The following GABRB3 variants were observed in gnomAD, a reference collection of about 807,000 sequenced individuals.
GABRB3 encodes gamma-aminobutyric acid receptor subunit beta-3.
Under a neutral mutation model 52.1 loss-of-function variants are expected in GABRB3, and 14 were observed. That is an observed-to-expected ratio of 0.27 (90% confidence interval 0.18 to 0.42). The LOEUF (loss-of-function observed/expected upper bound fraction) is 0.42. Ranked by LOEUF, GABRB3 falls within the 10% of genes least tolerant of loss-of-function variation. The pLI is 1.00. For synonymous variants in GABRB3, 260 were observed against 232.3 expected, an observed-to-expected ratio of 1.12 and a Z score of -1.08; for missense variants, 307 against 609.1, an observed-to-expected ratio of 0.50 and a Z score of 5.22.
At position 26,631,072 on chromosome 15, in the gene GABRB3, G is replaced by A. The variant is rs556784922; in HGVS notation, c.241-9538C>T. ...ACAGTGCCGCTGGGAGGCAAGGAAA[G>A]TATTGCTGGACCTAGAAGCTGTAGA... On this transcript the variant is annotated intron_variant, in intron 3 of 8. Transcript: ENST00000311550. Among the ~76,000 whole-genome samples, 69 of 152,360 alleles carry A rather than the reference G, an allele frequency of 4.5e-4. 2 individuals carry two copies. In the South Asian group the frequency reaches 0.013, roughly 29 times the overall value.
rs1242101113 is a variant in GABRB3 at position 26,615,187 on chromosome 15, G to T, written c.461+6127C>A. On this transcript the variant is annotated intron_variant, in intron 4 of 8. Transcript: ENST00000311550. ...ACAAATAGAAGAAAACTTCAGTGCA[G>T]CATCAAAGAAAACAGAAAAGCTGTG... The T allele has an allele frequency of 9.1e-6, 6 of 655,756 alleles. No individual in the cohort carries two copies. The African/African-American group carries it at 9.9e-5, about 11-fold the overall frequency. 40.6% of individuals were successfully genotyped at this position (655,756 alleles called of 1,614,324 possible). A position where few individuals can be genotyped will look rare whatever the true frequency, so the allele number is the denominator to read the frequency against.
At chr15:26,599,133 A>G (rs778715263) in intron 4 of GABRB3, among the ~76,000 whole-genome samples, 4 of 152,232 alleles carry the variant, frequency 2.6e-5, no homozygotes, top group African/African-American at 4.8e-5. Context: ...TCCCACTTCT[A>G]TGCACTTTAG....
At chr15:26,662,367 G>T (rs531758439) in intron 3 of GABRB3, among the ~76,000 whole-genome samples, 6 of 152,230 alleles carry the variant, frequency 3.9e-5, no homozygotes, top group Non-Finnish European at 8.8e-5. Flanking sequence ...ATCCAAGGGG[G>T]TAAGCTCAGC....
intron 3 of GABRB3, among the ~76,000 whole-genome samples, chr15:26,754,605 C>T (rs904608614): frequency 6.6e-6 from 1 of 152,166 alleles, no homozygotes; most frequent in Non-Finnish European, 1.5e-5. Flanking sequence ...TAAATGATGT[C>T]TGACTTTTTT....
At chr15:26,675,666 T>C (rs1888045238) in intron 3 of GABRB3, among the ~76,000 whole-genome samples, 1 of 152,108 alleles carries the variant, frequency 6.6e-6, no homozygotes, top group African/African-American at 2.4e-5. Context: ...TGGGAATTTA[T>C]GGCAAAAGAG....
intron 6 of GABRB3, among the ~76,000 whole-genome samples, chr15:26,572,361 T>C (rs1254185328): frequency 1.3e-5 from 2 of 152,174 alleles, no homozygotes; most frequent in Non-Finnish European, 2.9e-5. Flanking sequence ...TATGAGACAT[T>C]CATGGTTGAA....
At chr15:26,554,198 T>G (rs1245662625) in intron 8 of GABRB3, among the ~76,000 whole-genome samples, 1 of 86,136 alleles carries the variant, frequency 1.2e-5, no homozygotes, top group African/African-American at 4.0e-5. Flanking sequence ...ATACTATATA[T>G]ATATATATAT....
At chr15:26,571,230 G>C (rs573177643) in intron 6 of GABRB3, among the ~76,000 whole-genome samples, 1 of 134,714 alleles carries the variant, frequency 7.4e-6, no homozygotes, top group Admixed American at 7.6e-5. Flanking sequence ...GGAACAGTCT[G>C]CATCAGTCAG....
At position 26,547,682 on chromosome 15, in the gene GABRB3, A is replaced by C; in HGVS notation, c.*111T>G. On this transcript the variant is annotated 3_prime_UTR_variant, in exon 9 of 9. Transcript: ENST00000311550. ...TATATATACAATTGCGTATGTATAT[A>C]TGTGTGTGTCTGCTTGTGTGTCTGT... 1.3e-6 allele frequency: 1 copy of C among 786,516 alleles called. No individual in the cohort carries two copies. The highest frequency in any genetic ancestry group is 2.2e-6 in the Non-Finnish European group (1 of 455,168). The allele number at this position is 786,516 out of a possible 1,614,324, so 48.7% of individuals were successfully genotyped here. A position where few individuals can be genotyped will look rare whatever the true frequency, so the allele number is the denominator to read the frequency against.
intron 3 of GABRB3, 135 bp downstream of exon 3, chr15:26,772,267 G>A (rs1486531366): frequency 5.5e-6 from 4 of 723,124 alleles, no homozygotes; most frequent in Non-Finnish European, 8.8e-6. Context: ...CCGGCGCCTG[G>A]GAGCGCGGCT....
chr15:26,729,477 G>A (rs1230651785), intron 3 of GABRB3, among the ~76,000 whole-genome samples: 1 of 152,068 alleles, frequency 6.6e-6, no homozygotes, highest in Admixed American at 6.5e-5. Context: ...GGACAAAAGC[G>A]CCAAGCTAAT....
rs569101875 is a variant in GABRB3 at position 26,566,935 on chromosome 15, G to A, written c.835+646C>T. On this transcript the variant is annotated intron_variant, in intron 7 of 8. Coordinates refer to ENST00000311550, the MANE Select transcript of GABRB3 (RefSeq NM_000814.6). Reference sequence around the variant, plus strand: ...GCATCAGCTCTGTACTTACATAAACGTATTTAAATAATTATTTTTTCTATG... The same window carrying A: ...GCATCAGCTCTGTACTTACATAAACATATTTAAATAATTATTTTTTCTATG... Among the ~76,000 whole-genome samples the A allele has an allele frequency of 6.8e-4, 104 of 152,246 alleles. 1 individual carries two copies. The highest frequency in any genetic ancestry group is 4.1e-3 in the South Asian group (20 of 4,824).
At chr15:26,751,263 T>A (rs1211851516) in intron 3 of GABRB3, among the ~76,000 whole-genome samples, 2 of 152,224 alleles carry the variant, frequency 1.3e-5, no homozygotes, top group African/African-American at 4.8e-5. Context: ...TTACTATCCA[T>A]GTTAATCAAA....
At chr15:26,719,800 A>T (rs1340917335) in intron 3 of GABRB3, among the ~76,000 whole-genome samples, 1 of 152,190 alleles carries the variant, frequency 6.6e-6, no homozygotes, top group Non-Finnish European at 1.5e-5. Context: ...AAACAGTTAA[A>T]TCCAAAAATT....
chr15:26,768,100 CATG>C (rs1403735447), intron 3 of GABRB3, among the ~76,000 whole-genome samples: 1 of 151,968 alleles, frequency 6.6e-6, no homozygotes, highest in Admixed American at 6.6e-5. Context: ...GAGTATGTCT[CATG>C]ATAACTAAAA....
chr15:26,722,066 A>G (rs1889655629), intron 3 of GABRB3, among the ~76,000 whole-genome samples: 1 of 152,124 alleles, frequency 6.6e-6, no homozygotes, highest in African/African-American at 2.4e-5. Context: ...AATGAGCCCC[A>G]GTAGATGCAG....
chr15:26,607,867 CTAT>C (rs1190213785), intron 4 of GABRB3, among the ~76,000 whole-genome samples: 2 of 151,872 alleles, frequency 1.3e-5, no homozygotes, highest in East Asian at 1.9e-4. Context: ...AGAAGGATTA[CTAT>C]TATTAAAATG....
chr15:26,592,657 G>A (rs1047239095), intron 4 of GABRB3, among the ~76,000 whole-genome samples: 1 of 152,160 alleles, frequency 6.6e-6, no homozygotes, highest in Non-Finnish European at 1.5e-5. Context: ...GAAGGCAAGG[G>A]AATAGAATTA....
rs148752188 is a variant in GABRB3, at chr15:26,609,827, A to C, written c.461+11487T>G. Among the ~76,000 whole-genome samples, 142 of 152,014 alleles carry C rather than the reference A, an allele frequency of 9.3e-4. 1 individual carries two copies. Among genetic ancestry groups the C allele is most frequent in the African/African-American group, 9.2e-4 (38 of 41,274 alleles). ...TTTAGTTCAAATACTAGCTAGCTAG[A>C]TAAATACGTTAACTCACTTGATTTA... On this transcript the variant is annotated intron_variant, in intron 4 of 8. Transcript: ENST00000311550.
Sources: allele counts gnomAD v4.1 joint callset (sites outside exome capture counted in the v4.1 genomes callset), GRCh38; gene constraint gnomAD v4.1.1; transcripts MANE v1.5; gene names NCBI Gene and HGNC (gene_info 2026-07-23, HGNC 2026-07-21).